The following GLI3 variants were observed in gnomAD, a reference collection of about 807,000 sequenced individuals.
The protein encoded by GLI3 is GLI family zinc finger 3, also known as transcription activator GLI3.
A neutral mutation model predicts 100.8 loss-of-function variants in GLI3; 20 were observed. The ratio of observed to expected loss-of-function variants is 0.20; its 90% CI spans 0.14 to 0.29. GLI3 has a LOEUF of 0.29. GLI3 is among the 10% of genes least tolerant of loss of function. The pLI is 1.00. For synonymous variants in GLI3, 938 were observed against 860.5 expected (o/e 1.09, Z -1.58); for missense variants, 2,040 against 2,128.5 (o/e 0.96, Z 0.82).
At chr7:42,109,154 C>T (rs1314255192) in intron 3 of GLI3, among the ~76,000 whole-genome samples, 1 of 152,194 alleles carries the variant, frequency 6.6e-6, no homozygotes, top group Non-Finnish European at 1.5e-5. Flanking sequence ...GACATTTAAC[C>T]ATGGCCCCCT....
At chr7:42,183,000 C>T (rs931924408) in intron 2 of GLI3, among the ~76,000 whole-genome samples, 11 of 151,974 alleles carry the variant, frequency 7.2e-5, no homozygotes, top group African/African-American at 2.4e-4. Flanking sequence ...GTGGGCAGAT[C>T]ACTTGAGGCC....
At chr7:41,999,719 G>A (rs752372656) in intron 10 of GLI3, among the ~76,000 whole-genome samples, 1 of 152,212 alleles carries the variant, frequency 6.6e-6, no homozygotes, top group African/African-American at 2.4e-5. Flanking sequence ...ACATCCAAAT[G>A]AGTCTATCCT....
upstream of GLI3, among the ~76,000 whole-genome samples, chr7:42,242,323 G>T (rs978571159): frequency 1.3e-5 from 2 of 152,182 alleles, no homozygotes; most frequent in Non-Finnish European, 2.9e-5. Flanking sequence ...TATACTTGCA[G>T]CATCACTTGT....
chr7:41,967,561 C>T, intron 14 of GLI3, 35 bp downstream of exon 14: 2 of 1,458,784 alleles, frequency 1.4e-6, no homozygotes, highest in Non-Finnish European at 1.9e-6. Context: ...GAAAAAAAAA[C>T]CCTGAGCAGA....
At chr7:42,034,499 A>G (rs541746628) in intron 7 of GLI3, among the ~76,000 whole-genome samples, 1 of 152,282 alleles carries the variant, frequency 6.6e-6, no homozygotes, top group East Asian at 1.9e-4. Context: ...TATGTGGTCC[A>G]AGATGCTGTG....
chr7:41,999,165 A>G (rs1354897214), intron 10 of GLI3, among the ~76,000 whole-genome samples: 1 of 152,218 alleles, frequency 6.6e-6, no homozygotes, highest in East Asian at 1.9e-4. Flanking sequence ...GCTGGACCTT[A>G]GATGGCAAAA....
Position 42,148,211 on chromosome 7 carries a change from G to A in GLI3, c.367+15C>T, listed in dbSNP as rs749423141. On this transcript the variant is annotated intron_variant, in intron 3 of 14. Coordinates refer to ENST00000395925, the MANE Select transcript of GLI3 (RefSeq NM_000168.6). ...CATAGCTCCTGAACAAGTGCCGACTGGCATGGGCACTTACGGTAGTGGGGC... is the reference window on the plus strand; with the variant it reads ...CATAGCTCCTGAACAAGTGCCGACTAGCATGGGCACTTACGGTAGTGGGGC... The A allele has an allele frequency of 6.2e-7, 1 of 1,602,540 alleles. No homozygotes were observed. The highest frequency in any genetic ancestry group is 8.5e-7 in the Non-Finnish European group (1 of 1,173,600).
rs1189349323 is a variant in GLI3, at chr7:41,964,019, A to T, written c.*311T>A. On this transcript the variant is annotated 3_prime_UTR_variant, in exon 15 of 15. Coordinates refer to ENST00000395925, the MANE Select transcript of GLI3 (RefSeq NM_000168.6). ...TTCTAAAAGAAAGAAGAATATGCAC[A>T]TCACAAATTTACATCGGTTTACTAA... is the stretch of plus-strand genomic sequence containing the variant. 1 of 265,476 alleles carries T rather than the reference A, an allele frequency of 3.8e-6. No homozygotes were observed. The highest frequency in any genetic ancestry group is 7.2e-6 in the Non-Finnish European group (1 of 139,232). 16.4% of individuals were successfully genotyped at this position (265,476 alleles called of 1,614,324 possible). A position where few individuals can be genotyped will look rare whatever the true frequency, so the allele number is the denominator to read the frequency against.
Position 42,237,122 on chromosome 7 carries a change from T to C in GLI3, c.-194A>G, listed in dbSNP as rs1788821628. 1 of 146,864 alleles carries C rather than the reference T, an allele frequency of 6.8e-6. No homozygotes were observed. The highest frequency in any genetic ancestry group is 1.9e-4 in the South Asian group (1 of 5,344). The allele number at this position is 146,864 out of a possible 1,614,324, so 9.1% of individuals were successfully genotyped here. A position where few individuals can be genotyped will look rare whatever the true frequency, so the allele number is the denominator to read the frequency against. On this transcript the variant is annotated 5_prime_UTR_variant, in exon 1 of 15. Coordinates refer to ENST00000395925, the MANE Select transcript of GLI3 (RefSeq NM_000168.6). The stretch of plus-strand genomic sequence containing the variant: ...CGGGGTGCGCCCGCCGCGGGCATGG[T>C]GCGGCGCGGGCGGCCGCGGGGCGCG...
intron 2 of GLI3, among the ~76,000 whole-genome samples, chr7:42,193,667 A>G (rs1787871775): frequency 6.6e-6 from 1 of 152,162 alleles, no homozygotes; most frequent in Admixed American, 6.5e-5. Context: ...TTCTGAATGC[A>G]GCTCCTTTTT....
At chr7:42,191,764 A>T (rs2128688420) in intron 2 of GLI3, among the ~76,000 whole-genome samples, 1 of 152,230 alleles carries the variant, frequency 6.6e-6, no homozygotes, top group Middle Eastern at 3.4e-3. Flanking sequence ...CCTATGAAGT[A>T]GATACCATTA....
intron 3 of GLI3, among the ~76,000 whole-genome samples, chr7:42,089,142 TATA>T (rs1785164795): frequency 6.6e-6 from 1 of 152,206 alleles, no homozygotes. Context: ...AGTCTGCATC[TATA>T]CCTTGTACGC....
At chr7:42,043,773 T>A (rs545314594) in intron 6 of GLI3, among the ~76,000 whole-genome samples, 1 of 152,318 alleles carries the variant, frequency 6.6e-6, no homozygotes, top group Admixed American at 6.5e-5. Context: ...CTAAACACAT[T>A]CTCATCAAAT....
intron 1 of GLI3, among the ~76,000 whole-genome samples, chr7:42,245,111 C>T (rs1562799801): frequency 6.6e-6 from 1 of 152,198 alleles, no homozygotes; most frequent in Non-Finnish European, 1.5e-5. Flanking sequence ...TTATGCTGGA[C>T]TGGGCCTTCC....
chr7:41,987,346 T>G (rs2128716404), intron 10 of GLI3, among the ~76,000 whole-genome samples: 1 of 152,296 alleles, frequency 6.6e-6, no homozygotes, highest in East Asian at 1.9e-4. Flanking sequence ...TTTTTGTATT[T>G]TTAGTAGAGA....
chr7:42,253,648 CT>C (rs1173940137), intron 1 of GLI3, among the ~76,000 whole-genome samples: 2 of 152,198 alleles, frequency 1.3e-5, no homozygotes, highest in Non-Finnish European at 2.9e-5. Flanking sequence ...CACTCTGTGT[CT>C]TTTGGGTAAG....
chr7:41,977,448 G>A, intron 12 of GLI3, 110 bp downstream of exon 12: 1 of 1,138,516 alleles, frequency 8.8e-7, no homozygotes, highest in Admixed American at 2.0e-5. Context: ...CTCATGCTGG[G>A]AATGGCCAAG....
At chr7:41,981,358 G>C (rs1787663766) in intron 10 of GLI3, among the ~76,000 whole-genome samples, 1 of 152,182 alleles carries the variant, frequency 6.6e-6, no homozygotes, top group Non-Finnish European at 1.5e-5. Context: ...TGAGGATGTG[G>C]GAAATACCCC....
chr7:42,141,515 T>C (rs1476460112), intron 3 of GLI3, among the ~76,000 whole-genome samples: 2 of 151,844 alleles, frequency 1.3e-5, no homozygotes, highest in Non-Finnish European at 2.9e-5. Flanking sequence ...CTACTAAAAA[T>C]ATAAAAATTA....
Sources: gnomAD v4.1 joint callset for allele counts (sites outside exome capture counted in the v4.1 genomes callset) on GRCh38, gnomAD v4.1.1 for gene constraint, MANE v1.5 for transcripts, NCBI Gene and HGNC (gene_info 2026-07-23, HGNC 2026-07-21) for gene names.